Variants in SORCS3 observed in about 807,000 individuals in gnomAD.
The protein encoded by SORCS3 is sortilin related VPS10 domain containing receptor 3, also known as VPS10 domain-containing receptor SorCS3.
SORCS3 carries 57 observed loss-of-function variants against 146.3 expected under a neutral mutation model. The ratio of observed to expected loss-of-function variants is 0.39; its 90% CI spans 0.31 to 0.49. The LOEUF is 0.49. Among genes scored for constraint, SORCS3 ranks in the 20% least tolerant of loss-of-function variants. The pLI is 0.92. For missense variants in SORCS3, 1,341 were observed against 1,575.5 expected, an observed-to-expected ratio of 0.85 and a Z score of 2.52; for synonymous variants, 653 against 618.5, an observed-to-expected ratio of 1.06 and a Z score of -0.83.
intron 7 of SORCS3, among the ~76,000 whole-genome samples, chr10:105,126,834 A>G (rs1350825506): frequency 6.6e-6 from 1 of 152,118 alleles, no homozygotes; most frequent in African/African-American, 2.4e-5. Flanking sequence ...ACACTGAGTA[A>G]ATTGTTGTGC....
intron 19 of SORCS3, among the ~76,000 whole-genome samples, chr10:105,220,051 A>G (rs1183117728): frequency 6.6e-6 from 1 of 152,324 alleles, no homozygotes; most frequent in South Asian, 2.1e-4. Flanking sequence ...TTAGCTGCCC[A>G]AAATAACCAA....
rs117955519 is a variant in SORCS3, at chr10:105,246,534, C to T, written c.2993-685C>T. On this transcript the variant is annotated intron_variant, in intron 21 of 26. Transcript: ENST00000369701. ...AGAAAGTTAAGTGAAGGCTTGTGAT[C>T]CTCTGATCAGATTATGTTCCTCCAG... 2.7e-3 allele frequency among the ~76,000 whole-genome samples: 414 copies of T among 152,194 alleles called. 3 individuals carry two copies. The highest frequency in any genetic ancestry group is 4.3e-3 in the Non-Finnish European group (290 of 68,020).
rs184615967 is a variant in SORCS3 at position 104,833,299 on chromosome 10, C to T, written c.628-9493C>T. Among the ~76,000 whole-genome samples the T allele has an allele frequency of 1.6e-4, 25 of 152,268 alleles. No homozygotes were observed. The East Asian group carries it at 4.6e-3, about 28-fold the overall frequency. On this transcript the variant is annotated intron_variant, in intron 1 of 26. Coordinates refer to ENST00000369701, the MANE Select transcript of SORCS3 (RefSeq NM_014978.3). ...GATGAGAGGGGTGCTGTGCAATCAA[C>T]CTGCCACCATGCACGATGTTGAGAC...
chr10:104,717,907 G>T (rs1392969185), intron 1 of SORCS3, among the ~76,000 whole-genome samples: 1 of 152,120 alleles, frequency 6.6e-6, no homozygotes, highest in Non-Finnish European at 1.5e-5. Context: ...TTGAGAGGCC[G>T]AGGCAGGTGG....
intron 6 of SORCS3, among the ~76,000 whole-genome samples, chr10:105,090,584 G>C (rs1465058656): frequency 6.6e-6 from 1 of 152,120 alleles, no homozygotes; most frequent in Non-Finnish European, 1.5e-5. Context: ...AATATAATTA[G>C]CATAGATTGA....
At chr10:105,058,447 T>C (rs911371920) in intron 5 of SORCS3, among the ~76,000 whole-genome samples, 2 of 152,236 alleles carry the variant, frequency 1.3e-5, no homozygotes, top group Non-Finnish European at 2.9e-5. Context: ...AGTTGGGTTA[T>C]ATGATTGTTT....
chr10:104,914,496 G>A (rs1190516084), intron 2 of SORCS3, among the ~76,000 whole-genome samples: 1 of 152,098 alleles, frequency 6.6e-6, no homozygotes, highest in African/African-American at 2.4e-5. Context: ...GACTGTTAAG[G>A]GTCATCACAT....
chr10:105,248,495 C>A (rs2056880377), intron 22 of SORCS3, among the ~76,000 whole-genome samples: 1 of 151,992 alleles, frequency 6.6e-6, no homozygotes, highest in Non-Finnish European at 1.5e-5. Context: ...GGGTGTATCA[C>A]CTGAGGTCAA....
At chr10:105,216,559 C>T (rs1488619998) in intron 18 of SORCS3, among the ~76,000 whole-genome samples, 1 of 152,028 alleles carries the variant, frequency 6.6e-6, no homozygotes, top group Admixed American at 6.5e-5. Context: ...AAAAAAACCT[C>T]GGTAACTATT....
At chr10:104,710,103 C>T (rs1343818715) in intron 1 of SORCS3, among the ~76,000 whole-genome samples, 2 of 152,108 alleles carry the variant, frequency 1.3e-5, no homozygotes, top group African/African-American at 4.8e-5. Flanking sequence ...TTTGTTGCAA[C>T]TCTTTAACAT....
At chr10:104,845,622 G>C (rs1439632104) in intron 2 of SORCS3, among the ~76,000 whole-genome samples, 1 of 152,150 alleles carries the variant, frequency 6.6e-6, no homozygotes, top group Non-Finnish European at 1.5e-5. Context: ...CACCAAGCGG[G>C]TGTAGTCTGT....
At chr10:104,940,244 T>A (rs1334751150) in intron 3 of SORCS3, among the ~76,000 whole-genome samples, 1,350 of 16,672 alleles carry the variant, frequency 0.081, 6 homozygotes, top group Non-Finnish European at 0.12. Flanking sequence ...ATATATTTTT[T>A]TTTTTTTTTT....
At chr10:104,701,818 TC>T (rs1027744968) in intron 1 of SORCS3, among the ~76,000 whole-genome samples, 39 of 152,266 alleles carry the variant, frequency 2.6e-4, no homozygotes, top group African/African-American at 9.1e-4. Context: ...GATTTTTTTT[TC>T]GGTATTGGGT....
chr10:104,802,866 A>G (rs2017639189), intron 1 of SORCS3, among the ~76,000 whole-genome samples: 1 of 152,210 alleles, frequency 6.6e-6, no homozygotes, highest in African/African-American at 2.4e-5. Context: ...AGTTTGGAGC[A>G]TAGGCGAGGC....
At chr10:104,872,721 G>A (rs1055698433) in intron 2 of SORCS3, among the ~76,000 whole-genome samples, 1 of 152,074 alleles carries the variant, frequency 6.6e-6, no homozygotes, top group African/African-American at 2.4e-5. Flanking sequence ...GGTTTCCACT[G>A]AGATTCCTTT....
In SORCS3 at chr10:104,789,480, C is replaced by G. The variant is rs960442304; in HGVS notation, c.628-53312C>G. 1.5e-4 allele frequency among the ~76,000 whole-genome samples: 23 copies of G among 152,288 alleles called. 1 individual carries two copies. The highest frequency in any genetic ancestry group is 5.3e-4 in the African/African-American group (22 of 41,568). On this transcript the variant is annotated intron_variant, in intron 1 of 26. Coordinates refer to ENST00000369701, the MANE Select transcript of SORCS3 (RefSeq NM_014978.3). Reference sequence around the variant, plus strand: ...GGAGGGCAGGGATTTATTCATCTCTCCACTCAGGGCAGAGGTTAACACATC... The same window carrying G: ...GGAGGGCAGGGATTTATTCATCTCTGCACTCAGGGCAGAGGTTAACACATC...
intron 3 of SORCS3, among the ~76,000 whole-genome samples, chr10:104,923,058 C>G (rs1170661847): frequency 3.9e-5 from 6 of 152,174 alleles, no homozygotes; most frequent in African/African-American, 1.4e-4. Context: ...TGGTTTTGCC[C>G]CTGAGCAACT....
intron 6 of SORCS3, among the ~76,000 whole-genome samples, chr10:105,093,343 T>A: frequency 6.6e-6 from 1 of 152,166 alleles, no homozygotes; most frequent in East Asian, 1.9e-4. Flanking sequence ...GGGGAAAATT[T>A]TTATGACCTT....
intron 4 of SORCS3, among the ~76,000 whole-genome samples, chr10:105,040,358 C>T (rs112402333): frequency 1.1e-4 from 17 of 152,224 alleles, no homozygotes; most frequent in Middle Eastern, 3.4e-3. Flanking sequence ...CAGTGTCCAC[C>T]GCTTTTGGCC....
Sources: gnomAD v4.1 joint callset for allele counts (sites outside exome capture counted in the v4.1 genomes callset) on GRCh38, gnomAD v4.1.1 for gene constraint, MANE v1.5 for transcripts, NCBI Gene and HGNC (gene_info 2026-07-23, HGNC 2026-07-21) for gene names.